Variants in IRAG1 observed in about 807,000 individuals in gnomAD.
IRAG1 encodes IP3R-associated cGMP kinase substrate.
A neutral mutation model predicts 106.2 loss-of-function variants in IRAG1; 62 were observed. The ratio of observed to expected loss-of-function variants is 0.58; its 90% CI spans 0.48 to 0.72. The LOEUF is 0.72. Ranked by LOEUF, IRAG1 falls within the 30% of genes least tolerant of loss-of-function variation. The probability of loss-of-function intolerance (pLI) is 0.00; values close to 1 mark genes in which losing one functional copy is unlikely to be tolerated. For missense variants in IRAG1, 1,064 were observed against 1,140.7 expected (o/e 0.93, Z 0.97); for synonymous variants, 462 against 443.9 (o/e 1.04, Z -0.51).
At chr11:10,594,835 T>A (rs1285986639) in intron 15 of IRAG1, among the ~76,000 whole-genome samples, 1 of 152,254 alleles carries the variant, frequency 6.6e-6, no homozygotes, top group Non-Finnish European at 1.5e-5. Flanking sequence ...GTTTAACCAA[T>A]ATCATTTAGC....
intron 20 of IRAG1, 133 bp from the exon 21 acceptor site, chr11:10,576,708 T>C (rs1336349053): frequency 3.5e-6 from 4 of 1,145,530 alleles, no homozygotes; most frequent in Non-Finnish European, 5.0e-6. Flanking sequence ...TGTGCCTAGA[T>C]TGGGTTGGCA....
chr11:10,597,378 T>A (rs1334277522), intron 15 of IRAG1, among the ~76,000 whole-genome samples: 1 of 152,228 alleles, frequency 6.6e-6, no homozygotes, highest in African/African-American at 2.4e-5. Flanking sequence ...CAGAATGAAG[T>A]GCAGTGGCAT....
At chr11:10,691,873 T>C (rs979011901) in intron 1 of IRAG1, among the ~76,000 whole-genome samples, 4 of 152,062 alleles carry the variant, frequency 2.6e-5, no homozygotes, top group African/African-American at 9.7e-5. Context: ...GGGCTGAGCA[T>C]CAGCTGTGCA....
intron 20 of IRAG1, among the ~76,000 whole-genome samples, chr11:10,576,915 T>C (rs1850874809): frequency 6.6e-6 from 1 of 152,190 alleles, no homozygotes; most frequent in Non-Finnish European, 1.5e-5. Flanking sequence ...CACGGGGTGA[T>C]TACTGATATC....
chr11:10,666,720 G>A lies in IRAG1; in HGVS notation c.68-14538C>T, dbSNP rs576534603. On this transcript the variant is annotated intron_variant, in intron 1 of 20. Coordinates refer to ENST00000423302, the MANE Select transcript of IRAG1 (RefSeq NM_130385.4). Reference sequence around the variant, plus strand: ...GAAGTATTTTCTTGTTTTTAGAAAAGACTGAGTAAAGAGAGCTCTGAGGGC... The same window carrying A: ...GAAGTATTTTCTTGTTTTTAGAAAAAACTGAGTAAAGAGAGCTCTGAGGGC... 2.0e-5 allele frequency among the ~76,000 whole-genome samples: 3 copies of A among 152,340 alleles called. No individual in the cohort carries two copies. In the South Asian group the frequency reaches 6.2e-4, roughly 32 times the overall value.
intron 2 of IRAG1, among the ~76,000 whole-genome samples, chr11:10,646,988 T>C (rs1858004666): frequency 6.6e-6 from 1 of 152,172 alleles, no homozygotes. Context: ...TAGACAGGCA[T>C]GTGACATGCA....
intron 15 of IRAG1, 148 bp downstream of exon 15, chr11:10,600,770 C>G (rs1853907381): frequency 4.7e-6 from 5 of 1,052,936 alleles, no homozygotes; most frequent in South Asian, 3.4e-5. Flanking sequence ...GAAGCAGCTG[C>G]TGGGAGGCCC....
intron 15 of IRAG1, among the ~76,000 whole-genome samples, chr11:10,595,971 G>C (rs1853256414): frequency 6.6e-6 from 1 of 152,132 alleles, no homozygotes; most frequent in African/African-American, 2.4e-5. Flanking sequence ...TCCTGTGTTA[G>C]TTTGCTAAGG....
chr11:10,642,015 C>G (rs1313218160), intron 2 of IRAG1, among the ~76,000 whole-genome samples: 3 of 152,190 alleles, frequency 2.0e-5, no homozygotes, highest in Non-Finnish European at 4.4e-5. Flanking sequence ...AAGCTGCACT[C>G]TCCTTCACAG....
intron 1 of IRAG1, among the ~76,000 whole-genome samples, chr11:10,692,478 G>A (rs1020051327): frequency 6.6e-6 from 1 of 152,098 alleles, no homozygotes; most frequent in African/African-American, 2.4e-5. Flanking sequence ...GGGAGTGCAG[G>A]GGGATGGGCA....
At chr11:10,689,703 G>A (rs1268735729) in intron 1 of IRAG1, among the ~76,000 whole-genome samples, 1 of 152,086 alleles carries the variant, frequency 6.6e-6, no homozygotes, top group Non-Finnish European at 1.5e-5. Flanking sequence ...ATCATGTTTT[G>A]GAGAATCTTT....
At chr11:10,675,154 T>C (rs1860553200) in intron 1 of IRAG1, among the ~76,000 whole-genome samples, 1 of 152,250 alleles carries the variant, frequency 6.6e-6, no homozygotes, top group Non-Finnish European at 1.5e-5. Context: ...TGAATTAATG[T>C]GATTCAGGCT....
intron 2 of IRAG1, among the ~76,000 whole-genome samples, chr11:10,645,463 T>G (rs1342336941): frequency 6.6e-6 from 1 of 152,258 alleles, no homozygotes; most frequent in African/African-American, 2.4e-5. Context: ...GACTGCGTTC[T>G]GAAGGTTAAA....
intron 11 of IRAG1, among the ~76,000 whole-genome samples, chr11:10,607,330 A>G (rs1042940145): frequency 6.6e-6 from 1 of 152,192 alleles, no homozygotes; most frequent in Admixed American, 6.5e-5. Context: ...CAGAGAATAA[A>G]TGGTAGGAGA....
Position 10,652,176 on chromosome 11 carries a change from C to G in IRAG1, c.74G>C (p.Gly25Ala). The change falls in exon 2 of 21, where the codon GGA becomes GCA. Residue 25 changes from glycine (G) to alanine (A), a missense_variant. Transcript: ENST00000423302. ...GKENNSVLACGAQASWSIFGA... is the reference protein window; with the variant it reads ...GKENNSVLACAAQASWSIFGA... ...AAAGATGCTCCAAGAGGCCTGGGCT[C>G]CACAGGCTGGGGAGATGCCAAAAGG... is the stretch of plus-strand genomic sequence containing the variant. 1 of 1,613,844 alleles carries G rather than the reference C, an allele frequency of 6.2e-7. No individual in the cohort carries two copies. Among genetic ancestry groups the G allele is most frequent in the Non-Finnish European group, 8.5e-7 (1 of 1,179,852 alleles).
chr11:10,603,309 G>A, intron 13 of IRAG1, 58 bp from the exon 14 acceptor site: 1 of 1,586,522 alleles, frequency 6.3e-7, no homozygotes, highest in East Asian at 2.3e-5. Context: ...GACTAAATCA[G>A]CAGTCCCCAA....
At chr11:10,600,620 A>T (rs925424798) in intron 15 of IRAG1, among the ~76,000 whole-genome samples, 1 of 152,200 alleles carries the variant, frequency 6.6e-6, no homozygotes, top group Admixed American at 6.5e-5. Flanking sequence ...TCACTCTCAG[A>T]CCCTGTAAGT....
chr11:10,578,078 T>G (rs1851011055), intron 20 of IRAG1, among the ~76,000 whole-genome samples: 1 of 152,200 alleles, frequency 6.6e-6, no homozygotes, highest in Admixed American at 6.5e-5. Flanking sequence ...ACCCCACTCT[T>G]AAGTGTGGCT....
chr11:10,660,816 C>T (rs985980212), intron 1 of IRAG1, among the ~76,000 whole-genome samples: 7 of 152,156 alleles, frequency 4.6e-5, no homozygotes, highest in Non-Finnish European at 1.0e-4. Flanking sequence ...TAGAAGTCAC[C>T]GTGACTCCTT....
Sources: allele counts gnomAD v4.1 joint callset (sites outside exome capture counted in the v4.1 genomes callset), GRCh38; gene constraint gnomAD v4.1.1; transcripts MANE v1.5; gene names NCBI Gene and HGNC (gene_info 2026-07-23, HGNC 2026-07-21).